RGS8: variants seen among roughly 807,000 people sequenced by gnomAD.
RGS8 encodes the protein regulator of G-protein signaling 8.
In RGS8, 8 loss-of-function variants were observed where a neutral mutation model predicts 21.7. That is an observed-to-expected ratio of 0.37 (90% CI 0.22 to 0.66). The LOEUF is 0.66. Ranked by LOEUF, RGS8 falls within the 30% of genes least tolerant of loss-of-function variation. RGS8 has a pLI of 0.59. For missense variants in RGS8, 157 were observed against 217.9 expected (o/e 0.72, Z 1.76); for synonymous variants, 80 against 83.6 (o/e 0.96, Z 0.24).
chr1:182,661,205 G>A (rs59689885), intron 5 of RGS8, among the ~76,000 whole-genome samples: 4,379 of 151,678 alleles, frequency 0.029, 220 homozygotes, highest in African/African-American at 0.1. Flanking sequence ...TTTCTCTGTG[G>A]GTATCCTGTT....
chr1:182,641,849 G>T (rs886710598), downstream of RGS8: 2 of 152,216 alleles, frequency 1.3e-5, no homozygotes, highest in African/African-American at 4.8e-5. Flanking sequence ...TGTTCTCACA[G>T]CCTTGTTTAT....
At chr1:182,711,065 AG>A in the RGS8 span, among the ~76,000 whole-genome samples, 1 of 152,226 alleles carries the variant, frequency 6.6e-6, no homozygotes, top group Non-Finnish European at 1.5e-5. Flanking sequence ...CTGAGTTGGT[AG>A]GTGAATGAGG....
chr1:182,649,003 G>A (rs1662852402), intron 5 of RGS8, among the ~76,000 whole-genome samples: 2 of 152,136 alleles, frequency 1.3e-5, no homozygotes, highest in Admixed American at 1.3e-4. Context: ...GGGAAGCTGA[G>A]GTGGGAGAAT....
intron 1 of RGS8, among the ~76,000 whole-genome samples, chr1:182,678,233 C>A (rs528085459): frequency 1.3e-5 from 2 of 152,106 alleles, no homozygotes; most frequent in East Asian, 3.8e-4. Flanking sequence ...GTGGTAGGTA[C>A]GTAGGGACTC....
At chr1:182,680,691 A>C (rs769193038) in intron 1 of RGS8, among the ~76,000 whole-genome samples, 4 of 152,230 alleles carry the variant, frequency 2.6e-5, no homozygotes, top group Non-Finnish European at 4.4e-5. Flanking sequence ...GGTCCCAGGC[A>C]TGGGTACATT....
chr1:182,740,844 CAT>C, the RGS8 span, among the ~76,000 whole-genome samples: 2 of 152,044 alleles, frequency 1.3e-5, no homozygotes, highest in East Asian at 3.9e-4. Flanking sequence ...GGATACAGCA[CAT>C]GTTTCAGAGA....
chr1:182,695,373 AAAAC>A, the RGS8 span, among the ~76,000 whole-genome samples: 8 of 152,182 alleles, frequency 5.3e-5, no homozygotes, highest in Non-Finnish European at 1.2e-4. Context: ...ACTTTGAAGA[AAAAC>A]AAACCTTCCT....
intron 5 of RGS8, among the ~76,000 whole-genome samples, chr1:182,664,401 T>C (rs1663751991): frequency 6.6e-6 from 1 of 152,134 alleles, no homozygotes; most frequent in Non-Finnish European, 1.5e-5. Context: ...CAGTGACAGG[T>C]AGCAAGCATC....
the RGS8 span, among the ~76,000 whole-genome samples, chr1:182,747,280 C>T: frequency 6.6e-6 from 1 of 151,602 alleles, no homozygotes; most frequent in Non-Finnish European, 1.5e-5. Flanking sequence ...GTTATTTTGG[C>T]AGCTGTGAAA....
At chr1:182,740,341 T>C in the RGS8 span, among the ~76,000 whole-genome samples, 1 of 152,326 alleles carries the variant, frequency 6.6e-6, no homozygotes, top group Admixed American at 6.5e-5. Flanking sequence ...TAATATTTAC[T>C]GATACTTATT....
chr1:182,712,660 G>C, the RGS8 span, among the ~76,000 whole-genome samples: 3 of 152,178 alleles, frequency 2.0e-5, no homozygotes, highest in Non-Finnish European at 4.4e-5. Flanking sequence ...CTGTTCTTCT[G>C]TTGTAGCCAT....
At chr1:182,711,887 T>C in the RGS8 span, among the ~76,000 whole-genome samples, 1 of 152,238 alleles carries the variant, frequency 6.6e-6, no homozygotes, top group Non-Finnish European at 1.5e-5. Flanking sequence ...TCCACCATCC[T>C]AGAGCTTCTA....
At chr1:182,680,342 A>T in intron 1 of RGS8, among the ~76,000 whole-genome samples, 1 of 152,102 alleles carries the variant, frequency 6.6e-6, no homozygotes, top group East Asian at 1.9e-4. Flanking sequence ...ACTTTCCATA[A>T]TCATGAGCAC....
the RGS8 span, among the ~76,000 whole-genome samples, chr1:182,737,158 G>A: frequency 6.6e-6 from 1 of 151,860 alleles, no homozygotes; most frequent in Admixed American, 6.6e-5. Context: ...TCTGTTGGTG[G>A]CATTGCATTC....
At chr1:182,699,946 A>C in the RGS8 span, among the ~76,000 whole-genome samples, 1 of 152,326 alleles carries the variant, frequency 6.6e-6, no homozygotes, top group Admixed American at 6.5e-5. Flanking sequence ...GCACCCTCAC[A>C]CAGTGCCTGC....
chr1:182,747,501 A>T, the RGS8 span, among the ~76,000 whole-genome samples: 1 of 152,168 alleles, frequency 6.6e-6, no homozygotes, highest in Non-Finnish European at 1.5e-5. Context: ...TAATGGGTAT[A>T]TTGCTATTCA....
upstream of RGS8, among the ~76,000 whole-genome samples, chr1:182,684,767 T>C (rs1227757061): frequency 6.6e-6 from 1 of 151,804 alleles, no homozygotes; most frequent in African/African-American, 2.4e-5. The surrounding 1 kb of genome is among the most constrained non-coding windows in gnomAD (Gnocchi z 4.2). Flanking sequence ...CTGGTGGCTC[T>C]CCAGAATTCA....
the RGS8 span, among the ~76,000 whole-genome samples, chr1:182,750,474 A>G: frequency 6.6e-6 from 1 of 152,198 alleles, no homozygotes; most frequent in African/African-American, 2.4e-5. Context: ...CCTATGTCTT[A>G]GGTTGAATTG....
chr1:182,709,905 A>C, the RGS8 span, among the ~76,000 whole-genome samples: 5 of 152,326 alleles, frequency 3.3e-5, no homozygotes, highest in African/African-American at 1.2e-4. Context: ...CTTGGCTGCA[A>C]GCAACAGAAT....
Sources: gnomAD v4.1 joint callset for allele counts (sites outside exome capture counted in the v4.1 genomes callset) on GRCh38, gnomAD v4.1.1 for gene constraint, Gnocchi (gnomAD v3.1) non-coding constraint, MANE v1.5 for transcripts, NCBI Gene and HGNC (gene_info 2026-07-23, HGNC 2026-07-21) for gene names.